EIF3M: variants seen among roughly 807,000 people sequenced by gnomAD.
EIF3M encodes the protein eukaryotic translation initiation factor 3 subunit M.
A neutral mutation model predicts 49.7 loss-of-function variants in EIF3M; 25 were observed. The observed-to-expected ratio is 0.50, with a 90% CI of 0.37 to 0.70. The LOEUF (loss-of-function observed/expected upper bound fraction) is 0.70. Among genes scored for constraint, EIF3M ranks in the 30% least tolerant of loss-of-function variants. EIF3M has a pLI of 0.00. For synonymous variants in EIF3M, 156 were observed against 149.8 expected, an observed-to-expected ratio of 1.04 and a Z score of -0.30; for missense variants, 350 against 440.0, an observed-to-expected ratio of 0.80 and a Z score of 1.83.
chr11:32,601,727 C>T, intron 9 of EIF3M, 35 bp from the exon 10 acceptor site: 1 of 1,585,916 alleles, frequency 6.3e-7, no homozygotes, highest in Non-Finnish European at 8.6e-7. Flanking sequence ...TGGAAATTTT[C>T]CATATAACAT....
chr11:32,592,217 A>G, intron 5 of EIF3M: 1 of 380,880 alleles, frequency 2.6e-6, no homozygotes, highest in Non-Finnish European at 5.0e-6. Context: ...TGCTAGATCC[A>G]CTCCACAACT....
chr11:32,592,229 C>T (rs763862108), intron 5 of EIF3M: 17 of 402,040 alleles, frequency 4.2e-5, no homozygotes, highest in Middle Eastern at 9.2e-4. Context: ...TCCACAACTG[C>T]ATCTGTTGTT....
chr11:32,591,940 C>T, intron 5 of EIF3M: 1 of 268,590 alleles, frequency 3.7e-6, no homozygotes, highest in Non-Finnish European at 7.5e-6. Flanking sequence ...CCGTAATTAC[C>T]ACTCCCCAAA....
chr11:32,605,160 CTTT>C lies in EIF3M; in HGVS notation c.*2779_*2781del, dbSNP rs548347158. ...AGCCACCCTGCCCGACCTAGTAATACTTTTTTTTTTTTTTTTTTTTAATGAACT... is the reference window on the plus strand; with the variant it reads ...AGCCACCCTGCCCGACCTAGTAATACTTTTTTTTTTTTTTTTTAATGAACT... On this transcript the variant is annotated 3_prime_UTR_variant, in exon 11 of 11. Transcript: ENST00000531120. 4.0e-5 allele frequency: 5 copies of C among 125,678 alleles called. No homozygotes were observed. Among genetic ancestry groups the C allele is most frequent in the Admixed American group, 8.0e-5 (1 of 12,444 alleles). The allele number at this position is 125,678 out of a possible 1,614,324, so 7.8% of individuals were successfully genotyped here.
rs1342446126 is a variant in EIF3M, at chr11:32,595,951, C to G, written c.718-15C>G. On this transcript the variant is annotated splice_polypyrimidine_tract_variant and intron_variant, in intron 7 of 10. Coordinates refer to ENST00000531120, the MANE Select transcript of EIF3M (RefSeq NM_006360.6). ...TCTGTATTGATGGTATCTTTTTTGTCTCTTATCTGTATAGCTTTTAACCAT... is the reference window on the plus strand; with the variant it reads ...TCTGTATTGATGGTATCTTTTTTGTGTCTTATCTGTATAGCTTTTAACCAT... The G allele has an allele frequency of 6.5e-7, 1 of 1,542,512 alleles. No homozygotes were observed. Among genetic ancestry groups the G allele is most frequent in the East Asian group, 2.4e-5 (1 of 41,068 alleles).
chr11:32,592,354 T>C, intron 5 of EIF3M: 1 of 553,278 alleles, frequency 1.8e-6, no homozygotes. Context: ...TTTTCCACTC[T>C]GCCAGTCCTC....
chr11:32,599,253 G>A (rs909197675), intron 8 of EIF3M, among the ~76,000 whole-genome samples: 3 of 151,832 alleles, frequency 2.0e-5, no homozygotes, highest in Non-Finnish European at 4.4e-5. Context: ...AAAGTTAATC[G>A]GCATCTAATT....
In EIF3M at chr11:32,596,096, C is replaced by T. The variant is rs776150676; in HGVS notation, c.799+49C>T. 2.0e-5 allele frequency: 27 copies of T among 1,365,598 alleles called. No individual in the cohort carries two copies. In the Admixed American group the frequency reaches 4.0e-4, roughly 20 times the overall value. 84.6% of individuals were successfully genotyped at this position (1,365,598 alleles called of 1,614,324 possible). A position where few individuals can be genotyped will look rare whatever the true frequency, so the allele number is the denominator to read the frequency against. On this transcript the variant is annotated intron_variant, in intron 8 of 10. Transcript: ENST00000531120. ...GAGGCACAGAGGTGGGAACATGATACACTAACAGTTATGTACTATGTGTTC... is the reference window on the plus strand; with the variant it reads ...GAGGCACAGAGGTGGGAACATGATATACTAACAGTTATGTACTATGTGTTC...
At chr11:32,594,461 A>C (rs559184251) in intron 6 of EIF3M, 2 of 155,402 alleles carry the variant, frequency 1.3e-5, no homozygotes, top group African/African-American at 4.8e-5. Context: ...AGTTGGTGGT[A>C]AAGATCCTTG....
At chr11:32,591,829 C>A in intron 5 of EIF3M, 1 of 239,334 alleles carries the variant, frequency 4.2e-6, no homozygotes, top group Non-Finnish European at 8.7e-6. Flanking sequence ...AGAGACTGCC[C>A]AAGCTTTATC....
chr11:32,593,796 T>G, intron 5 of EIF3M, 70 bp from the exon 6 acceptor site: 1 of 1,063,534 alleles, frequency 9.4e-7, no homozygotes, highest in Non-Finnish European at 1.3e-6. Flanking sequence ...AGTACCTGCC[T>G]CTTAAAAATA....
Position 32,587,134 on chromosome 11 carries a change from G to A in EIF3M, c.165G>A (p.Glu55=). 1 of 1,571,162 alleles carries A rather than the reference G, an allele frequency of 6.4e-7. No individual in the cohort carries two copies. Among genetic ancestry groups the A allele is most frequent in the African/African-American group, 1.4e-5 (1 of 73,112 alleles). ...IIEACDVCLK[E]DDKDVESVMN... ...AAGCCTGTGATGTGTGTCTGAAGGAGGATGATAAAGGTTTGTTTTTAATTT... is the reference window on the plus strand; with the variant it reads ...AAGCCTGTGATGTGTGTCTGAAGGAAGATGATAAAGGTTTGTTTTTAATTT... Residue 55 remains glutamate, a synonymous_variant, in exon 2 of 11, where the codon GAG becomes GAA. Transcript: ENST00000531120.
intron 1 of EIF3M, chr11:32,584,268 T>G: frequency 2.8e-6 from 1 of 355,684 alleles, no homozygotes; most frequent in Non-Finnish European, 5.2e-6. Flanking sequence ...GTGGTGAATC[T>G]GTAGTTAGCA....
intron 1 of EIF3M, among the ~76,000 whole-genome samples, chr11:32,586,687 C>A (rs896910109): frequency 6.6e-6 from 1 of 152,198 alleles, no homozygotes; most frequent in Non-Finnish European, 1.5e-5. Flanking sequence ...AGCAACCACA[C>A]CCCCACCAAA....
At position 32,605,028 on chromosome 11, in the gene EIF3M, AT is replaced by A; in HGVS notation, c.*2634del. 1 of 151,786 alleles carries A rather than the reference AT, an allele frequency of 6.6e-6. No homozygotes were observed. Among genetic ancestry groups the A allele is most frequent in the Non-Finnish European group, 1.5e-5 (1 of 67,990 alleles). The allele number at this position is 151,786 out of a possible 1,614,324, so 9.4% of individuals were successfully genotyped here. ...CCACGATGCCCAGCTAATTTTTTGT[AT>A]TTTTAGTAGAGACAGGGTTTCACTA... On this transcript the variant is annotated 3_prime_UTR_variant, in exon 11 of 11. Coordinates refer to ENST00000531120, the MANE Select transcript of EIF3M (RefSeq NM_006360.6).
chr11:32,602,662 A>G lies in EIF3M; in HGVS notation c.*263A>G. On this transcript the variant is annotated 3_prime_UTR_variant, in exon 11 of 11. Coordinates refer to ENST00000531120, the MANE Select transcript of EIF3M (RefSeq NM_006360.6). ...GGATAATATACAGAGAGAAGACAGA[A>G]GTAGAGTAATACAATTTCTTCACAT... The G allele has an allele frequency of 1.3e-6, 1 of 772,398 alleles. No individual in the cohort carries two copies. The highest frequency in any genetic ancestry group is 2.0e-5 in the South Asian group (1 of 50,408). The allele number at this position is 772,398 out of a possible 1,614,324, so 47.8% of individuals were successfully genotyped here. A position where few individuals can be genotyped will look rare whatever the true frequency, so the allele number is the denominator to read the frequency against.
Position 32,602,953 on chromosome 11 carries a change from T to C in EIF3M, c.*554T>C. 1 of 1,613,554 alleles carries C rather than the reference T, an allele frequency of 6.2e-7. No homozygotes were observed. Among genetic ancestry groups the C allele is most frequent in the Non-Finnish European group, 8.5e-7 (1 of 1,179,740 alleles). Reference sequence around the variant, plus strand: ...CTGCCAGTCATCATCACCAGAAGTATTTTTAGTCGTCTTGATTGCCTGCAA... The same window carrying C: ...CTGCCAGTCATCATCACCAGAAGTACTTTTAGTCGTCTTGATTGCCTGCAA... On this transcript the variant is annotated 3_prime_UTR_variant, in exon 11 of 11. Coordinates refer to ENST00000531120, the MANE Select transcript of EIF3M (RefSeq NM_006360.6).
At chr11:32,593,320 A>G (rs574672340) in intron 5 of EIF3M, among the ~76,000 whole-genome samples, 16 of 152,364 alleles carry the variant, frequency 1.1e-4, no homozygotes, top group African/African-American at 3.8e-4. Context: ...ACTGATGTAT[A>G]TAACTGTAAG....
chr11:32,592,752 C>T (rs1185007026), intron 5 of EIF3M: 3 of 479,992 alleles, frequency 6.3e-6, no homozygotes, highest in South Asian at 1.5e-5. Flanking sequence ...GCTCTGGCTC[C>T]TTTGGATCAT....
Sources: allele counts gnomAD v4.1 joint callset (sites outside exome capture counted in the v4.1 genomes callset), GRCh38; gene constraint gnomAD v4.1.1; transcripts MANE v1.5; gene names NCBI Gene and HGNC (gene_info 2026-07-23, HGNC 2026-07-21).